The following STBD1 variants were observed in gnomAD, a reference collection of about 807,000 sequenced individuals.
The protein encoded by STBD1 is starch binding domain 1.
A neutral mutation model predicts 10.5 loss-of-function variants in STBD1; 13 were observed. That is an observed-to-expected ratio of 1.24 (90% CI 0.81 to 1.97). The LOEUF is 1.97. STBD1 is among the 30% of genes most tolerant of loss of function. The probability of loss-of-function intolerance (pLI) is 0.00; values close to 1 mark genes in which losing one functional copy is unlikely to be tolerated. For synonymous variants in STBD1, 146 were observed against 160.2 expected (o/e 0.91, Z 0.67); for missense variants, 427 against 435.6 (o/e 0.98, Z 0.17).
In STBD1 at chr4:76,309,455, C is replaced by G. The variant is rs13109782; in HGVS notation, c.532C>G (p.Leu178Val). ...TGCAGAGAAGTTGCCTTCTAGCAAC[C>G]TGCTCAAGAACAGAGCTAAAGAAGA... is the stretch of plus-strand genomic sequence containing the variant. ...CFAEKLPSSN[L>V]LKNRAKEEMS... The change falls in exon 2 of 2, where the codon CTG becomes GTG. Residue 178 changes from leucine to valine, a missense_variant. By Grantham distance (32) the Leu-to-Val change is conservative. Coordinates refer to ENST00000237642, the MANE Select transcript of STBD1 (RefSeq NM_003943.5). 83 of 1,614,088 alleles carry G rather than the reference C, an allele frequency of 5.1e-5. No homozygotes were observed. In the Middle Eastern group the frequency reaches 6.6e-4, roughly 13 times the overall value.
Position 76,306,995 on chromosome 4 carries a change from C to T in STBD1, c.220+6C>T, listed in dbSNP as rs1718789586. The T allele has an allele frequency of 2.5e-6, 4 of 1,577,174 alleles. 1 individual carries two copies. The South Asian group carries it at 3.5e-5, about 14-fold the overall frequency. On this transcript the variant is annotated splice_donor_region_variant and intron_variant, in intron 1 of 1. Transcript: ENST00000237642. Reference sequence around the variant, plus strand: ...GGAGCTGGTCACCAAACCAGGTATTCTTCCCCCCGTGACTCCAGGGCACAT... The same window carrying T: ...GGAGCTGGTCACCAAACCAGGTATTTTTCCCCCCGTGACTCCAGGGCACAT...
chr4:76,310,146 CAGAAATATATATGTCTAA>C lies in STBD1; in HGVS notation c.*147_*164del. On this transcript the variant is annotated 3_prime_UTR_variant, in exon 2 of 2. Coordinates refer to ENST00000237642, the MANE Select transcript of STBD1 (RefSeq NM_003943.5). ...TTGCTAGTGGATTTTGTCTAATGTG[CAGAAATATATATGTCTAA>C]TGTGCAGAAATATATATGTGTGTAT... 3 of 961,748 alleles carry C rather than the reference CAGAAATATATATGTCTAA, an allele frequency of 3.1e-6. No homozygotes were observed. The highest frequency in any genetic ancestry group is 3.3e-5 in the South Asian group (2 of 60,970). The allele number at this position is 961,748 out of a possible 1,614,324, so 59.6% of individuals were successfully genotyped here.
chr4:76,307,061 G>A, intron 1 of STBD1, 72 bp downstream of exon 1: 1 of 1,471,646 alleles, frequency 6.8e-7, no homozygotes, highest in Non-Finnish European at 9.2e-7. Context: ...GGAGCAAAGA[G>A]ACAAACCCAC....
chr4:76,309,325 T>TC lies in STBD1; in HGVS notation c.402_403insC (p.Arg135GlnfsTer5), dbSNP rs766622640. On this transcript the variant is annotated frameshift_variant, in exon 2 of 2. Coordinates refer to ENST00000237642, the MANE Select transcript of STBD1 (RefSeq NM_003943.5). LOFTEE classifies it low-confidence loss of function (END_TRUNC). ...CAGCTACCTCTGAGACCAGTAACTCTAGGAGTTACTCTGAAGTTTCAAGAA... is the reference window on the plus strand; with the variant it reads ...CAGCTACCTCTGAGACCAGTAACTCTCAGGAGTTACTCTGAAGTTTCAAGAA... 1 of 1,612,560 alleles carries TC rather than the reference T, an allele frequency of 6.2e-7. No homozygotes were observed. The highest frequency in any genetic ancestry group is 1.1e-5 in the South Asian group (1 of 90,828).
At chr4:76,307,136 C>A (rs1296718428) in intron 1 of STBD1, 147 bp downstream of exon 1, 1 of 856,762 alleles carries the variant, frequency 1.2e-6, no homozygotes, top group South Asian at 1.5e-5. Context: ...GCCATCCCCA[C>A]GCCCCTCGGT....
At chr4:76,307,894 C>T (rs939907495) in intron 1 of STBD1, among the ~76,000 whole-genome samples, 9 of 152,106 alleles carry the variant, frequency 5.9e-5, no homozygotes, top group Non-Finnish European at 1.3e-4. Context: ...AAAATCTGCC[C>T]GTGTGCCTTT....
Position 76,310,377 on chromosome 4 carries a change from C to A in STBD1, c.*377C>A. ...CGGAGCAAAAACATTAACCAGCTGC[C>A]CAGGGTTCAAGCTTGAGCCTTTAGG... On this transcript the variant is annotated 3_prime_UTR_variant, in exon 2 of 2. Coordinates refer to ENST00000237642, the MANE Select transcript of STBD1 (RefSeq NM_003943.5). 1 of 194,286 alleles carries A rather than the reference C, an allele frequency of 5.1e-6. No homozygotes were observed. The highest frequency in any genetic ancestry group is 1.1e-5 in the Non-Finnish European group (1 of 94,018). The allele number at this position is 194,286 out of a possible 1,614,324, so 12.0% of individuals were successfully genotyped here.
rs142923856 is a variant in STBD1, at chr4:76,309,101, A to G, written c.221-43A>G. The G allele has an allele frequency of 5.7e-4, 861 of 1,517,346 alleles. 5 individuals are homozygous for G. In the African/African-American group the frequency reaches 0.01, roughly 18 times the overall value. 94.0% of individuals were successfully genotyped at this position (1,517,346 alleles called of 1,614,324 possible). A position where few individuals can be genotyped will look rare whatever the true frequency, so the allele number is the denominator to read the frequency against. On this transcript the variant is annotated intron_variant, in intron 1 of 1. Coordinates refer to ENST00000237642, the MANE Select transcript of STBD1 (RefSeq NM_003943.5). The stretch of plus-strand genomic sequence containing the variant: ...TTTCTCAGCCTGACTTTTTTCTTAA[A>G]TGAACTACCTGACTCTATTACATTT...
At position 76,309,872 on chromosome 4, in the gene STBD1, A is replaced by G; in HGVS notation, c.949A>G (p.Thr317Ala). The change falls in exon 2 of 2, where the codon ACA becomes GCA. Residue 317 changes from threonine (T) to alanine (A), a missense_variant. Thr to Ala is a moderately conservative substitution (Grantham distance 58). Transcript: ENST00000237642. ...TCATTCCATTTTCCTGCCTGCAGAT[A>G]CAGTGGTGGAGTGGAAGTTTGTGTT... The part of the protein sequence containing the change: ...WSHSIFLPAD[T>A]VVEWKFVLVE... 6.2e-7 allele frequency: 1 copy of G among 1,614,214 alleles called. No individual in the cohort carries two copies. The highest frequency in any genetic ancestry group is 8.5e-7 in the Non-Finnish European group (1 of 1,180,042).
intron 1 of STBD1, among the ~76,000 whole-genome samples, chr4:76,308,510 G>A (rs1474381334): frequency 7.2e-5 from 11 of 152,186 alleles, no homozygotes; most frequent in Non-Finnish European, 1.5e-4. Context: ...AATGGAAGGG[G>A]ATACAAAACA....
rs1373369460 is a variant in STBD1, at chr4:76,310,959, C to G, written c.*959C>G. The G allele has an allele frequency of 6.6e-6, 1 of 152,206 alleles. No individual in the cohort carries two copies. The highest frequency in any genetic ancestry group is 1.5e-5 in the Non-Finnish European group (1 of 68,062). The allele number at this position is 152,206 out of a possible 1,614,324, so 9.4% of individuals were successfully genotyped here. A position where few individuals can be genotyped will look rare whatever the true frequency, so the allele number is the denominator to read the frequency against. The stretch of plus-strand genomic sequence containing the variant: ...GCCAGATGGACTGTCCTACAGCAAT[C>G]GTTTCCATCTGTCACCCTCTTCCCT... On this transcript the variant is annotated 3_prime_UTR_variant, in exon 2 of 2. Coordinates refer to ENST00000237642, the MANE Select transcript of STBD1 (RefSeq NM_003943.5).
Position 76,310,566 on chromosome 4 carries a change from A to G in STBD1, c.*566A>G, listed in dbSNP as rs750705231. ...AATATCTGGTCTGGATGTGATTAGT[A>G]AGGATACAAGATAATGTTCTAAGAC... On this transcript the variant is annotated 3_prime_UTR_variant, in exon 2 of 2. Coordinates refer to ENST00000237642, the MANE Select transcript of STBD1 (RefSeq NM_003943.5). The G allele has an allele frequency of 6.5e-6, 1 of 154,764 alleles. No homozygotes were observed. Among genetic ancestry groups the G allele is most frequent in the Non-Finnish European group, 1.4e-5 (1 of 69,480 alleles). The allele number at this position is 154,764 out of a possible 1,614,324, so 9.6% of individuals were successfully genotyped here. A position where few individuals can be genotyped will look rare whatever the true frequency, so the allele number is the denominator to read the frequency against.
In STBD1 at chr4:76,310,848, G is replaced by A. The variant is rs1718922195; in HGVS notation, c.*848G>A. On this transcript the variant is annotated 3_prime_UTR_variant, in exon 2 of 2. Coordinates refer to ENST00000237642, the MANE Select transcript of STBD1 (RefSeq NM_003943.5). ...GAAGTACAGGCACAGCCCGACTGCA[G>A]GGAGGGATGCACCCATCATTTACCC... The A allele has an allele frequency of 6.6e-6, 1 of 152,306 alleles. No homozygotes were observed. 9.4% of individuals were successfully genotyped at this position (152,306 alleles called of 1,614,324 possible). A position where few individuals can be genotyped will look rare whatever the true frequency, so the allele number is the denominator to read the frequency against.
chr4:76,309,205 A>G lies in STBD1; in HGVS notation c.282A>G (p.Gln94=). The G allele has an allele frequency of 3.1e-6, 5 of 1,612,242 alleles. No individual in the cohort carries two copies. The highest frequency in any genetic ancestry group is 4.2e-6 in the Non-Finnish European group (5 of 1,179,592). ...ISKTKDLGKL[Q]AASWRLQNPS... Reference sequence around the variant, plus strand: ...AGACCAAAGACCTTGGTAAACTGCAAGCAGCATCATGGAGATTGCAGAATC... The same window carrying G: ...AGACCAAAGACCTTGGTAAACTGCAGGCAGCATCATGGAGATTGCAGAATC... The change falls in exon 2 of 2, where the codon CAA becomes CAG. Residue 94 remains glutamine (Q), a synonymous_variant. Coordinates refer to ENST00000237642, the MANE Select transcript of STBD1 (RefSeq NM_003943.5).
chr4:76,309,021 G>A, intron 1 of STBD1, 123 bp from the exon 2 acceptor site: 1 of 1,343,598 alleles, frequency 7.4e-7, no homozygotes, highest in South Asian at 1.5e-5. Context: ...TAATAGAGGG[G>A]GACTTTGTGA....
At position 76,309,862 on chromosome 4, in the gene STBD1, G is replaced by A; in HGVS notation, c.939G>A (p.Leu313=). The change falls in exon 2 of 2, where the codon CTG becomes CTA. Residue 313 remains leucine (L), a synonymous_variant. Coordinates refer to ENST00000237642, the MANE Select transcript of STBD1 (RefSeq NM_003943.5). Reference sequence around the variant, plus strand: ...GGTTCTGGTCTCATTCCATTTTCCTGCCTGCAGATACAGTGGTGGAGTGGA... The same window carrying A: ...GGTTCTGGTCTCATTCCATTTTCCTACCTGCAGATACAGTGGTGGAGTGGA... The part of the protein sequence containing the change: ...KDGFWSHSIF[L]PADTVVEWKF... The A allele has an allele frequency of 6.2e-7, 1 of 1,614,184 alleles. No homozygotes were observed. Among genetic ancestry groups the A allele is most frequent in the Non-Finnish European group, 8.5e-7 (1 of 1,180,040 alleles).
chr4:76,309,936 G>T lies in STBD1; in HGVS notation c.1013G>T (p.Ser338Ile). The T allele has an allele frequency of 6.2e-7, 1 of 1,614,080 alleles. No homozygotes were observed. Among genetic ancestry groups the T allele is most frequent in the Non-Finnish European group, 8.5e-7 (1 of 1,180,032 alleles). The change falls in exon 2 of 2, where the codon AGC becomes ATC. Residue 338 changes from serine (S) to isoleucine (I), a missense_variant. Coordinates refer to ENST00000237642, the MANE Select transcript of STBD1 (RefSeq NM_003943.5). The stretch of plus-strand genomic sequence containing the variant: ...GGAGTTACCCGCTGGGAAGAATGCA[G>T]CAATAGATTCCTAGAAACTGGCCAT... ...NGGVTRWEEC[S>I]NRFLETGHED...
chr4:76,307,773 G>C (rs946424527), intron 1 of STBD1, among the ~76,000 whole-genome samples: 1 of 152,140 alleles, frequency 6.6e-6, no homozygotes, highest in Non-Finnish European at 1.5e-5. Flanking sequence ...AAAGCTTACC[G>C]TCCAGTGCCC....
chr4:76,308,545 C>T (rs1161454666), intron 1 of STBD1, among the ~76,000 whole-genome samples: 2 of 152,174 alleles, frequency 1.3e-5, no homozygotes, highest in South Asian at 2.1e-4. Flanking sequence ...AGGTTCCTAA[C>T]GCATATGGGA....
Sources: gnomAD v4.1 joint callset for allele counts (sites outside exome capture counted in the v4.1 genomes callset) on GRCh38, gnomAD v4.1.1 for gene constraint, MANE v1.5 for transcripts, NCBI Gene and HGNC (gene_info 2026-07-23, HGNC 2026-07-21) for gene names.